TENM4: variants seen among roughly 807,000 people sequenced by gnomAD.
The protein encoded by TENM4 is teneurin transmembrane protein 4.
In TENM4, 82 loss-of-function variants were observed where a neutral mutation model predicts 243.3. That is an observed-to-expected ratio of 0.34 (90% CI 0.28 to 0.40). TENM4 has a LOEUF of 0.40. Ranked by LOEUF, TENM4 falls within the 10% of genes least tolerant of loss-of-function variation. The probability of loss-of-function intolerance (pLI) is 1.00; values close to 1 mark genes in which losing one functional copy is unlikely to be tolerated. For missense variants in TENM4, 3,138 were observed against 3,673.3 expected (o/e 0.85, Z 3.77); for synonymous variants, 1,412 against 1,456.3 (o/e 0.97, Z 0.69).
At chr11:79,077,487 A>AGGAT (rs1462995355) in intron 4 of TENM4, among the ~76,000 whole-genome samples, 1 of 152,274 alleles carries the variant, frequency 6.6e-6, no homozygotes, top group East Asian at 1.9e-4. Flanking sequence ...ATTGCAATCC[A>AGGAT]GGATACACAC....
intron 3 of TENM4, among the ~76,000 whole-genome samples, chr11:79,153,846 T>A (rs774117741): frequency 2.0e-5 from 3 of 152,062 alleles, no homozygotes; most frequent in Non-Finnish European, 4.4e-5. Flanking sequence ...GCAGGAAGAC[T>A]TAGACCCTCA....
chr11:79,246,783 G>A (rs1254433442), intron 2 of TENM4, among the ~76,000 whole-genome samples: 1 of 152,104 alleles, frequency 6.6e-6, no homozygotes, highest in African/African-American at 2.4e-5. Context: ...GGTTCTCCAC[G>A]ACATGAGTGT....
chr11:79,175,958 G>A (rs887907320), intron 3 of TENM4, among the ~76,000 whole-genome samples: 6 of 152,060 alleles, frequency 3.9e-5, no homozygotes, highest in African/African-American at 1.2e-4. Flanking sequence ...CACTAATGGT[G>A]GCACACACCT....
intron 2 of TENM4, among the ~76,000 whole-genome samples, chr11:79,249,320 A>G (rs1442760937): frequency 1.3e-5 from 2 of 152,216 alleles, no homozygotes; most frequent in African/African-American, 2.4e-5. Flanking sequence ...AGTAAGCACA[A>G]AAGCCGAGAT....
At chr11:79,166,081 G>A (rs1862907359) in intron 3 of TENM4, among the ~76,000 whole-genome samples, 1 of 152,126 alleles carries the variant, frequency 6.6e-6, no homozygotes, top group African/African-American at 2.4e-5. Context: ...GTCCAGAAGA[G>A]ACCCAGAGCA....
At chr11:79,407,508 AAC>A (rs1342258702) in intron 1 of TENM4, among the ~76,000 whole-genome samples, 1 of 152,374 alleles carries the variant, frequency 6.6e-6, no homozygotes, top group African/African-American at 2.4e-5. Context: ...ACAGACTTGG[AAC>A]CAAGGCTTAC....
intron 12 of TENM4, among the ~76,000 whole-genome samples, chr11:78,826,963 C>A (rs1178317657): frequency 6.6e-6 from 1 of 152,198 alleles, no homozygotes; most frequent in Non-Finnish European, 1.5e-5. Flanking sequence ...GAGTATACCA[C>A]CCAGGCCTGG....
intron 6 of TENM4, among the ~76,000 whole-genome samples, chr11:79,018,508 C>G (rs1419131266): frequency 1.3e-5 from 2 of 152,088 alleles, no homozygotes; most frequent in Non-Finnish European, 2.9e-5. Flanking sequence ...CCTGGCCTAG[C>G]TCACCAGTAA....
At chr11:79,112,189 C>T (rs953680204) in intron 4 of TENM4, among the ~76,000 whole-genome samples, 1 of 152,126 alleles carries the variant, frequency 6.6e-6, no homozygotes, top group Admixed American at 6.5e-5. Flanking sequence ...CACACACATG[C>T]ATATACCCGT....
At chr11:79,054,221 G>A (rs1279937746) in intron 6 of TENM4, among the ~76,000 whole-genome samples, 1 of 152,148 alleles carries the variant, frequency 6.6e-6, no homozygotes, top group Non-Finnish European at 1.5e-5. Flanking sequence ...GAGGAGAGAG[G>A]AGAGATGTAC....
Position 78,676,363 on chromosome 11 carries a change from A to G in TENM4, c.5285T>C (p.Ile1762Thr), listed in dbSNP as rs777599746. Residue 1762 changes from isoleucine to threonine, a missense_variant, in exon 30 of 34, where the codon ATC becomes ACC. Physicochemically the swap from Ile to Thr is moderately conservative, Grantham distance 89. Coordinates refer to ENST00000278550, the MANE Select transcript of TENM4 (RefSeq NM_001098816.3). ...LQDQVRNSYYIGADGSLRLLL... is the reference protein window; with the variant it reads ...LQDQVRNSYYTGADGSLRLLL... ...CAGCCGCAAGGAGCCATCGGCCCCG[A>G]TGTAGTAGCTGTTCCGGACTTGGTC... The G allele has an allele frequency of 1.2e-6, 2 of 1,603,856 alleles. No homozygotes were observed. The highest frequency in any genetic ancestry group is 1.7e-6 in the Non-Finnish European group (2 of 1,171,840).
intron 6 of TENM4, among the ~76,000 whole-genome samples, chr11:78,912,884 C>T (rs1856223108): frequency 6.6e-6 from 1 of 152,192 alleles, no homozygotes; most frequent in Non-Finnish European, 1.5e-5. Flanking sequence ...AAAAGTAGAA[C>T]TCTCTCACAA....
chr11:79,107,155 G>A (rs1861391307), intron 4 of TENM4, among the ~76,000 whole-genome samples: 1 of 152,124 alleles, frequency 6.6e-6, no homozygotes. Flanking sequence ...AATGGGCAGA[G>A]CTGGGATCTG....
At chr11:79,102,598 GC>G (rs1458302965) in intron 4 of TENM4, among the ~76,000 whole-genome samples, 1 of 152,230 alleles carries the variant, frequency 6.6e-6, no homozygotes, top group African/African-American at 2.4e-5. Flanking sequence ...CACATGTGAA[GC>G]CCTTGGCATG....
chr11:79,218,416 T>C (rs1864098724), intron 2 of TENM4, among the ~76,000 whole-genome samples: 1 of 152,186 alleles, frequency 6.6e-6, no homozygotes, highest in Non-Finnish European at 1.5e-5. Context: ...AGGGTCCTGC[T>C]GGGGTCCTAG....
rs1859337834 is a variant in TENM4, at chr11:79,438,977, A to G, written c.-321+1532T>C. 1 of 151,940 alleles carries G rather than the reference A, an allele frequency of 6.6e-6. No individual in the cohort carries two copies. The allele number at this position is 151,940 out of a possible 1,614,324, so 9.4% of individuals were successfully genotyped here. Reference sequence around the variant, plus strand: ...CGGTACTTACACTCCCCAAGCAGGCAAACTTTCAGGCTTGTCTTTCGAGAA... The same window carrying G: ...CGGTACTTACACTCCCCAAGCAGGCGAACTTTCAGGCTTGTCTTTCGAGAA... On this transcript the variant is annotated intron_variant, in intron 1 of 33. Transcript: ENST00000278550. This position sits in a 1 kb window ranked among gnomAD's most constrained non-coding sequence, Gnocchi z 4.1.
chr11:78,903,862 GCCAGGGA>G lies in TENM4; in HGVS notation c.494-346_494-340del, dbSNP rs1245636567. The G allele has an allele frequency of 5.2e-6, 3 of 575,964 alleles. No homozygotes were observed. In the Admixed American group the frequency reaches 6.5e-5, roughly 13 times the overall value. The allele number at this position is 575,964 out of a possible 1,614,324, so 35.7% of individuals were successfully genotyped here. The stretch of plus-strand genomic sequence containing the variant: ...TTTAGGACGTGGTTTTTAAAGTGTG[GCCAGGGA>G]CCAGCAGCTTCAGCATCGTCTGGGA... On this transcript the variant is annotated intron_variant, in intron 6 of 33. Transcript: ENST00000278550.
In TENM4 at chr11:78,903,485, T is replaced by G. The variant is rs1349291549; in HGVS notation, c.532A>C (p.Thr178Pro). The change falls in exon 7 of 34, where the codon ACG (threonine) becomes CCG (proline). Residue 178 changes from threonine (T) to proline (P), a missense_variant. Around this residue, in one of 2 missense-constraint regions of TENM4, gnomAD observed 671 missense variants for 614.1 expected, o/e 1.09. Transcript: ENST00000278550. ...GCGTGCGAGAGCGGCGGCGGCGGCG[T>G]CCGGAGCCGCGCGTGGTTCTGCAGG... Reference protein sequence around the residue: ...GGLQNHARLRTPPPPLSHAHT... With the variant: ...GGLQNHARLRPPPPPLSHAHT... The G allele has an allele frequency of 3.9e-6, 6 of 1,547,174 alleles. No individual in the cohort carries two copies. The Admixed American group carries it at 7.9e-5, about 20-fold the overall frequency.
At chr11:79,233,991 T>C (rs1003736857) in intron 2 of TENM4, among the ~76,000 whole-genome samples, 4 of 151,892 alleles carry the variant, frequency 2.6e-5, no homozygotes, top group African/African-American at 9.7e-5. Flanking sequence ...CCAACGGAGG[T>C]TGTTCAATGT....
Sources: gnomAD v4.1 joint callset for allele counts (sites outside exome capture counted in the v4.1 genomes callset) on GRCh38, gnomAD v4.1.1 for gene constraint, gnomAD v4.1.1 regional missense constraint, Gnocchi (gnomAD v3.1) non-coding constraint, MANE v1.5 for transcripts, NCBI Gene and HGNC (gene_info 2026-07-23, HGNC 2026-07-21) for gene names.